Variants in CHD9 observed in about 807,000 individuals in gnomAD.
The protein encoded by CHD9 is ATP-dependent chromatin remodeler CHD9.
CHD9 carries 77 observed loss-of-function variants against 316.1 expected under a neutral mutation model. The ratio of observed to expected loss-of-function variants is 0.24; its 90% CI spans 0.20 to 0.29. The LOEUF (loss-of-function observed/expected upper bound fraction) is 0.29, where lower values mean the gene tolerates loss of function less well. Among genes scored for constraint, CHD9 ranks in the 10% least tolerant of loss-of-function variants. The probability of loss-of-function intolerance (pLI) is 1.00; values close to 1 mark genes in which losing one functional copy is unlikely to be tolerated. For missense variants in CHD9, 2,763 were observed against 3,438.1 expected (o/e 0.80, Z 4.91); for synonymous variants, 1,129 against 1,158.3 (o/e 0.97, Z 0.51).
chr16:53,099,406 C>G (rs2036644554), intron 1 of CHD9: 1 of 152,258 alleles, frequency 6.6e-6, no homozygotes, highest in African/African-American at 2.4e-5. Context: ...GAGTGATGAG[C>G]GTTCGGTTAA....
At position 53,246,646 on chromosome 16, in the gene CHD9, A is replaced by G. The variant is rs144121457; in HGVS notation, c.3455-647A>G. Among the ~76,000 whole-genome samples the G allele has an allele frequency of 2.3e-3, 355 of 152,104 alleles. 1 individual carries two copies. The highest frequency in any genetic ancestry group is 3.9e-3 in the Non-Finnish European group (267 of 67,966). ...ACCCTTCTGCCTCAGCCTCCTTAGTAACTAGAACTAGGCATATGCACCACC... is the reference window on the plus strand; with the variant it reads ...ACCCTTCTGCCTCAGCCTCCTTAGTGACTAGAACTAGGCATATGCACCACC... On this transcript the variant is annotated intron_variant, in intron 15 of 38. Transcript: ENST00000447540.
chr16:53,321,689 A>G (rs2057281367), intron 38 of CHD9, 59 bp downstream of exon 38: 4 of 844,934 alleles, frequency 4.7e-6, no homozygotes, highest in African/African-American at 1.7e-5. Context: ...CCATTCAATT[A>G]TATCTTAGAT....
At chr16:53,143,387 T>TTTATTTATTTAA (rs1309726577) in intron 1 of CHD9, among the ~76,000 whole-genome samples, 4 of 148,488 alleles carry the variant, frequency 2.7e-5, no homozygotes, top group African/African-American at 1.0e-4. Flanking sequence ...TATTTATTTA[T>TTTATTTATTTAA]TTATTTATTT....
chr16:53,274,770 T>G (rs2052637792), intron 24 of CHD9, among the ~76,000 whole-genome samples: 1 of 152,004 alleles, frequency 6.6e-6, no homozygotes, highest in Admixed American at 6.6e-5. Flanking sequence ...CTATTTTTAT[T>G]TTTCAATAAC....
At chr16:53,235,360 G>A in intron 11 of CHD9, 54 bp downstream of exon 11, 4 of 1,277,066 alleles carry the variant, frequency 3.1e-6, no homozygotes, top group Non-Finnish European at 4.3e-6. Context: ...GTGCCAAAAT[G>A]TGTCAAGTAA....
At chr16:53,204,123 C>CGT (rs59131817) in intron 2 of CHD9, among the ~76,000 whole-genome samples, 8,413 of 141,990 alleles carry the variant, frequency 0.059, 373 homozygotes, top group East Asian at 0.18. Flanking sequence ...ATCTAGATAA[C>CGT]GTGTGTGTGT....
chr16:53,066,362 T>G lies in CHD9; in HGVS notation c.-165+11285T>G, dbSNP rs117736021. Among the ~76,000 whole-genome samples, 657 of 152,334 alleles carry G rather than the reference T, an allele frequency of 4.3e-3. 4 individuals carry two copies. The highest frequency in any genetic ancestry group is 6.5e-3 in the Non-Finnish European group (439 of 68,030). On this transcript the variant is annotated intron_variant, in intron 1 of 38. Transcript: ENST00000447540. ...GCTGCTTTTTAACATTGGTTATGCT[T>G]AACTAAAGAGTTAGGAGTCAGTATT...
chr16:53,169,793 T>C (rs1038979613), intron 2 of CHD9, among the ~76,000 whole-genome samples: 25 of 152,298 alleles, frequency 1.6e-4, no homozygotes, highest in African/African-American at 5.8e-4. Flanking sequence ...ATATACTATA[T>C]AGTCCAAATT....
rs1207097490 is a variant in CHD9 at position 53,324,680 on chromosome 16, G to A, written c.8479G>A (p.Val2827Ile). 6.2e-7 allele frequency: 1 copy of A among 1,613,288 alleles called. No homozygotes were observed. The highest frequency in any genetic ancestry group is 2.2e-5 in the East Asian group (1 of 44,872). ...PTLSQSNTFDVQNKNSDLGSS... is the reference protein window; with the variant it reads ...PTLSQSNTFDIQNKNSDLGSS... ...TTTGTCCCAGTCCAATACTTTTGAT[G>A]TACAAAACAAAAACAGTGACTTAGG... Residue 2827 changes from valine (V) to isoleucine (I), a missense_variant, in exon 39 of 39, where the codon GTA becomes ATA. Val to Ile is a conservative substitution (Grantham distance 29, BLOSUM62 3). Coordinates refer to ENST00000447540, the MANE Select transcript of CHD9 (RefSeq NM_001308319.2).
chr16:53,055,533 G>A (rs1322440384), intron 1 of CHD9, among the ~76,000 whole-genome samples: 2 of 151,416 alleles, frequency 1.3e-5, no homozygotes, highest in East Asian at 3.9e-4. Context: ...GTCTGGGTGG[G>A]GGACTGGACA....
chr16:53,263,666 A>T (rs916469579), intron 20 of CHD9, among the ~76,000 whole-genome samples: 1 of 152,150 alleles, frequency 6.6e-6, no homozygotes, highest in African/African-American at 2.4e-5. Flanking sequence ...TAACAGCTAG[A>T]TGATTAAAGG....
chr16:53,137,603 A>G (rs190336016), intron 1 of CHD9, among the ~76,000 whole-genome samples: 1 of 152,318 alleles, frequency 6.6e-6, no homozygotes, highest in East Asian at 1.9e-4. Flanking sequence ...ATGCTGCTAT[A>G]TTTGAAAAAT....
At position 53,167,408 on chromosome 16, in the gene CHD9, G is replaced by C. The variant is rs571133441; in HGVS notation, c.1452+9867G>C. Among the ~76,000 whole-genome samples the C allele has an allele frequency of 2.6e-5, 4 of 152,210 alleles. No individual in the cohort carries two copies. In the South Asian group the frequency reaches 8.3e-4, roughly 32 times the overall value. Reference sequence around the variant, plus strand: ...TGCCAGGCACTGAGGTTGCAGAGATGATTAAGAGAAAATTGTCCTACTTTC... The same window carrying C: ...TGCCAGGCACTGAGGTTGCAGAGATCATTAAGAGAAAATTGTCCTACTTTC... On this transcript the variant is annotated intron_variant, in intron 2 of 38. Transcript: ENST00000447540.
intron 3 of CHD9, among the ~76,000 whole-genome samples, chr16:53,212,092 A>T (rs62048055): frequency 1.3e-5 from 2 of 152,014 alleles, no homozygotes; most frequent in Non-Finnish European, 2.9e-5. Context: ...AATCAACAGC[A>T]GTGTAAAATA....
intron 1 of CHD9, among the ~76,000 whole-genome samples, chr16:53,094,679 G>A (rs1257147726): frequency 2.2e-5 from 3 of 138,770 alleles, no homozygotes; most frequent in Non-Finnish European, 3.0e-5. Context: ...TTCCTCTGTC[G>A]CCCAGGCTGG....
intron 3 of CHD9, among the ~76,000 whole-genome samples, 198 bp downstream of exon 3, chr16:53,210,011 T>C (rs771639396): frequency 6.6e-6 from 1 of 152,158 alleles, no homozygotes; most frequent in Non-Finnish European, 1.5e-5. Flanking sequence ...GTTCTATGAA[T>C]GTAGAATGTA....
chr16:53,236,729 A>G (rs1358087822), intron 11 of CHD9, among the ~76,000 whole-genome samples: 1 of 150,056 alleles, frequency 6.7e-6, no homozygotes, highest in Non-Finnish European at 1.5e-5. Context: ...TCTCTGCTTC[A>G]TTGGTTAGTA....
rs576439711 is a variant in CHD9 at position 53,120,470 on chromosome 16, G to A, written c.-164-35456G>A. ...CTCTACTAAAAATACAAAATTAGCC[G>A]GGTGTGGTGGCGCATGCCTGTAATC... On this transcript the variant is annotated intron_variant, in intron 1 of 38. Transcript: ENST00000447540. 5.4e-4 allele frequency among the ~76,000 whole-genome samples: 82 copies of A among 151,816 alleles called. No individual in the cohort carries two copies. In the Middle Eastern group the frequency reaches 0.01, roughly 19 times the overall value.
chr16:53,146,859 GT>G (rs2040675068), intron 1 of CHD9, among the ~76,000 whole-genome samples: 1 of 151,176 alleles, frequency 6.6e-6, no homozygotes, highest in Admixed American at 6.6e-5. Context: ...ATTAAAAAAG[GT>G]TTTTTAATGG....
Sources: allele counts gnomAD v4.1 joint callset (sites outside exome capture counted in the v4.1 genomes callset), GRCh38; gene constraint gnomAD v4.1.1; transcripts MANE v1.5; gene names NCBI Gene and HGNC (gene_info 2026-07-23, HGNC 2026-07-21).